VTI1A: variants seen among roughly 807,000 people sequenced by gnomAD.
VTI1A encodes the protein vesicle transport through interaction with t-SNAREs homolog 1A.
A neutral mutation model predicts 34.9 loss-of-function variants in VTI1A; 22 were observed. The observed-to-expected ratio is 0.63, with a 90% confidence interval of 0.45 to 0.90. The LOEUF is 0.90. VTI1A is among the 40% of genes least tolerant of loss of function. The probability of loss-of-function intolerance (pLI) is 0.00; values close to 1 mark genes in which losing one functional copy is unlikely to be tolerated. For synonymous variants in VTI1A, 87 were observed against 97.3 expected (o/e 0.89, Z 0.62); for missense variants, 268 against 275.6 (o/e 0.97, Z 0.20).
At chr10:112,836,796 T>C in the VTI1A span, among the ~76,000 whole-genome samples, 2 of 152,166 alleles carry the variant, frequency 1.3e-5, no homozygotes, top group African/African-American at 4.8e-5. Flanking sequence ...ATCTGTGAAC[T>C]CTATGATCCT....
chr10:112,844,956 T>A, the VTI1A span, among the ~76,000 whole-genome samples: 14 of 152,220 alleles, frequency 9.2e-5, no homozygotes, highest in Non-Finnish European at 1.8e-4. Context: ...TGGAGTTCCA[T>A]CTTGGGGAAT....
chr10:112,495,833 T>G (rs1848998461), intron 3 of VTI1A, among the ~76,000 whole-genome samples: 3 of 152,194 alleles, frequency 2.0e-5, no homozygotes, highest in Admixed American at 2.0e-4. Context: ...AGAGTTCAAT[T>G]CAATGACTTG....
intron 3 of VTI1A, among the ~76,000 whole-genome samples, chr10:112,499,938 A>G (rs2134150153): frequency 6.6e-6 from 1 of 152,218 alleles, no homozygotes; most frequent in East Asian, 1.9e-4. Context: ...CCAGCCTGAG[A>G]CTTCTGTCTT....
At chr10:112,786,355 A>G (rs542961849) in intron 7 of VTI1A, among the ~76,000 whole-genome samples, 4 of 152,336 alleles carry the variant, frequency 2.6e-5, no homozygotes, top group African/African-American at 9.6e-5. Context: ...TTAGGATTTT[A>G]TACATACAGA....
intron 5 of VTI1A, among the ~76,000 whole-genome samples, chr10:112,562,709 A>G (rs1851769414): frequency 6.6e-6 from 1 of 152,144 alleles, no homozygotes; most frequent in South Asian, 2.1e-4. Flanking sequence ...AGAAAGAGAG[A>G]GAAGAGGGAA....
intron 7 of VTI1A, among the ~76,000 whole-genome samples, chr10:112,733,545 GTGGTGTTTATTATT>G: frequency 6.6e-6 from 1 of 152,066 alleles, no homozygotes; most frequent in East Asian, 1.9e-4. Flanking sequence ...CTCTGGCGTA[GTGGTGTTTATTATT>G]TGGTCAAAGT....
chr10:112,844,392 G>C, the VTI1A span, among the ~76,000 whole-genome samples: 1 of 152,190 alleles, frequency 6.6e-6, no homozygotes, highest in Non-Finnish European at 1.5e-5. Context: ...CTGAGGTCAT[G>C]GAAAGGAGAA....
intron 5 of VTI1A, among the ~76,000 whole-genome samples, chr10:112,589,968 G>C (rs1844324517): frequency 6.6e-6 from 1 of 152,156 alleles, no homozygotes; most frequent in South Asian, 2.1e-4. Flanking sequence ...CCTTTTTATA[G>C]ATTTAATTTG....
At chr10:112,469,638 T>C (rs72821881) in intron 3 of VTI1A, among the ~76,000 whole-genome samples, 2 of 152,312 alleles carry the variant, frequency 1.3e-5, no homozygotes, top group African/African-American at 2.4e-5. Context: ...TTTGAATGAC[T>C]GTAGTGTTTA....
intron 3 of VTI1A, among the ~76,000 whole-genome samples, chr10:112,496,458 C>G (rs536973000): frequency 2.9e-4 from 44 of 152,040 alleles, no homozygotes; most frequent in African/African-American, 1.1e-3. Context: ...GTAGTCCCAG[C>G]TTCTCGGGAG....
At chr10:112,593,070 G>A (rs547397753) in intron 5 of VTI1A, among the ~76,000 whole-genome samples, 13 of 152,338 alleles carry the variant, frequency 8.5e-5, no homozygotes, top group Non-Finnish European at 1.5e-4. Flanking sequence ...TATACCAAAA[G>A]CGAGGATGAT....
At chr10:112,552,520 T>G (rs1851395368) in intron 5 of VTI1A, among the ~76,000 whole-genome samples, 1 of 152,036 alleles carries the variant, frequency 6.6e-6, no homozygotes, top group African/African-American at 2.4e-5. Context: ...AGTGTTAGCA[T>G]AAGACTTTTA....
chr10:112,703,747 A>AT (rs1401246648), intron 7 of VTI1A, among the ~76,000 whole-genome samples: 1 of 152,186 alleles, frequency 6.6e-6, no homozygotes, highest in Non-Finnish European at 1.5e-5. Flanking sequence ...ACATTTGAAC[A>AT]TTTGCTACTT....
At chr10:112,792,200 G>C (rs375639759) in intron 7 of VTI1A, among the ~76,000 whole-genome samples, 2 of 152,154 alleles carry the variant, frequency 1.3e-5, no homozygotes, top group African/African-American at 4.8e-5. Flanking sequence ...ATGTGAACCC[G>C]GGAGGCAGAG....
At chr10:112,478,526 C>G (rs1848355921) in intron 3 of VTI1A, among the ~76,000 whole-genome samples, 2 of 152,170 alleles carry the variant, frequency 1.3e-5, no homozygotes, top group Non-Finnish European at 2.9e-5. Flanking sequence ...TGCGTTGCTT[C>G]AGAGCGCTAA....
intron 3 of VTI1A, among the ~76,000 whole-genome samples, chr10:112,465,015 C>T (rs1847852412): frequency 6.6e-6 from 1 of 152,196 alleles, no homozygotes; most frequent in Middle Eastern, 3.2e-3. Context: ...TTCAGGGGCT[C>T]ATAGTCTCCT....
At chr10:112,495,196 C>CTTTTTTT (rs751870581) in intron 3 of VTI1A, among the ~76,000 whole-genome samples, 6 of 79,014 alleles carry the variant, frequency 7.6e-5, no homozygotes, top group African/African-American at 2.5e-4. Context: ...CAGTAATGGT[C>CTTTTTTT]TTTTTTTTTT....
At chr10:112,773,099 G>A (rs1294061703) in intron 7 of VTI1A, among the ~76,000 whole-genome samples, 2 of 152,108 alleles carry the variant, frequency 1.3e-5, no homozygotes, top group African/African-American at 4.8e-5. Context: ...GGGCCTTTTG[G>A]GTAGAAGTAG....
intron 3 of VTI1A, among the ~76,000 whole-genome samples, chr10:112,526,543 TTC>T (rs1041338701): frequency 9.2e-5 from 14 of 152,164 alleles, no homozygotes; most frequent in South Asian, 2.1e-4. Flanking sequence ...GGGCTTTAAA[TTC>T]TCTCTCTTTC....
Sources: allele counts gnomAD v4.1 joint callset (sites outside exome capture counted in the v4.1 genomes callset), GRCh38; gene constraint gnomAD v4.1.1; transcripts MANE v1.5; gene names NCBI Gene and HGNC (gene_info 2026-07-23, HGNC 2026-07-21).